RPIA: variants seen among roughly 807,000 people sequenced by gnomAD.
The protein encoded by RPIA is ribose-5-phosphate isomerase.
In RPIA, 29 loss-of-function variants were observed where a neutral mutation model predicts 37.8. That is an observed-to-expected ratio of 0.77 (90% CI 0.57 to 1.05). RPIA has a LOEUF of 1.05. Among genes scored for constraint, RPIA ranks in the 50% least tolerant of loss-of-function variants. RPIA has a pLI of 0.00. For synonymous variants in RPIA, 167 were observed against 157.0 expected (o/e 1.06, Z -0.48); for missense variants, 385 against 413.6 (o/e 0.93, Z 0.60).
chr2:88,691,877 C>T lies in RPIA; in HGVS notation c.179C>T (p.Thr60Ile). ...CGTGGCGGTGCTGGCAACACAAGCACCAGCTGCGGGGACTCCAACAGCATC... is the reference window on the plus strand; with the variant it reads ...CGTGGCGGTGCTGGCAACACAAGCATCAGCTGCGGGGACTCCAACAGCATC... ...GTRGGAGNTS[T>I]SCGDSNSICP... The change falls in exon 1 of 9, where the codon ACC becomes ATC. Residue 60 changes from threonine to isoleucine, a missense_variant. By Grantham distance (89) the Thr-to-Ile change is moderately conservative. This residue lies in a region of RPIA where 232 missense variants were observed against 203.0 expected (regional missense o/e 1.14). Coordinates refer to ENST00000283646, the MANE Select transcript of RPIA (RefSeq NM_144563.3). 7 of 1,595,930 alleles carry T rather than the reference C, an allele frequency of 4.4e-6. No individual in the cohort carries two copies. Among genetic ancestry groups the T allele is most frequent in the African/African-American group, 1.3e-5 (1 of 74,908 alleles).
In RPIA at chr2:88,711,648, G is replaced by A. The variant is rs137954190; in HGVS notation, c.402+11584G>A. The stretch of plus-strand genomic sequence containing the variant: ...TGGGTCAAGGAAAAGACCTGGAAAG[G>A]GAAGGGGATTCTTTACAGAATGTAG... On this transcript the variant is annotated intron_variant, in intron 3 of 8. Transcript: ENST00000283646. Among the ~76,000 whole-genome samples, 404 of 152,316 alleles carry A rather than the reference G, an allele frequency of 2.7e-3. 2 individuals are homozygous for A. Among genetic ancestry groups the A allele is most frequent in the African/African-American group, 9.2e-3 (381 of 41,562 alleles).
At chr2:88,723,097 A>T (rs1406027954) in intron 3 of RPIA, among the ~76,000 whole-genome samples, 1 of 152,176 alleles carries the variant, frequency 6.6e-6, no homozygotes, top group Non-Finnish European at 1.5e-5. Context: ...CTTGGATTTG[A>T]TCAAGTCAGG....
intron 7 of RPIA, 73 bp from the exon 8 acceptor site, chr2:88,737,904 C>G: frequency 9.1e-7 from 1 of 1,093,524 alleles, no homozygotes; most frequent in South Asian, 1.3e-5. Flanking sequence ...CTTTGGTTAT[C>G]CCCTCTACTT....
intron 3 of RPIA, 102 bp downstream of exon 3, chr2:88,700,166 T>C: frequency 9.1e-7 from 1 of 1,097,084 alleles, no homozygotes; most frequent in Non-Finnish European, 1.4e-6. Flanking sequence ...AAGGTTGTTC[T>C]AGGTCAGAGA....
At chr2:88,696,388 T>TA (rs1304980592) in intron 1 of RPIA, among the ~76,000 whole-genome samples, 5 of 151,770 alleles carry the variant, frequency 3.3e-5, no homozygotes, top group African/African-American at 1.2e-4. Flanking sequence ...TTAAAAGAAT[T>TA]AAAAAAATTA....
At chr2:88,741,169 C>T (rs1409768922) in intron 8 of RPIA, among the ~76,000 whole-genome samples, 8 of 152,164 alleles carry the variant, frequency 5.3e-5, no homozygotes, top group Non-Finnish European at 1.2e-4. Context: ...ACCCAAGCAG[C>T]GTACACTGTA....
intron 8 of RPIA, among the ~76,000 whole-genome samples, chr2:88,748,136 G>C (rs983197813): frequency 1.3e-5 from 2 of 152,194 alleles, no homozygotes; most frequent in African/African-American, 2.4e-5. Context: ...TACCAAAATT[G>C]TGTGGCCTTT....
chr2:88,740,054 G>C (rs982560839), intron 8 of RPIA, among the ~76,000 whole-genome samples: 3 of 152,208 alleles, frequency 2.0e-5, no homozygotes, highest in Admixed American at 1.3e-4. Context: ...CAAGAAGGTA[G>C]GAGGAAGAGA....
chr2:88,738,515 A>G (rs1222943729), intron 8 of RPIA, among the ~76,000 whole-genome samples: 1 of 152,208 alleles, frequency 6.6e-6, no homozygotes, highest in Non-Finnish European at 1.5e-5. Flanking sequence ...GCTGTGTGTT[A>G]CAGGGGATAC....
At chr2:88,723,352 C>T (rs1673157490) in intron 3 of RPIA, among the ~76,000 whole-genome samples, 1 of 152,160 alleles carries the variant, frequency 6.6e-6, no homozygotes, top group African/African-American at 2.4e-5. Flanking sequence ...CTCATATTCC[C>T]TGCTGGGAGT....
At chr2:88,721,571 ACCC>A (rs1156741297) in intron 3 of RPIA, among the ~76,000 whole-genome samples, 15 of 22,982 alleles carry the variant, frequency 6.5e-4, no homozygotes, top group East Asian at 2.2e-3. Flanking sequence ...ACACACACAC[ACCC>A]CCCCCCCCAC....
intron 4 of RPIA, among the ~76,000 whole-genome samples, chr2:88,729,728 G>GTTTTGTGGTAAAGACTAA (rs1282665432): frequency 1.4e-4 from 10 of 69,816 alleles, no homozygotes; most frequent in African/African-American, 3.3e-4. Flanking sequence ...TTAAAACTAA[G>GTTTTGTGGTAAAGACTAA]CAGAACTGAA....
At chr2:88,720,313 A>G (rs953536332) in intron 3 of RPIA, among the ~76,000 whole-genome samples, 2 of 152,208 alleles carry the variant, frequency 1.3e-5, no homozygotes, top group African/African-American at 4.8e-5. Flanking sequence ...AAAACGTAAA[A>G]TCTGTTAGGC....
At chr2:88,694,545 A>C (rs1676988593) in intron 1 of RPIA, among the ~76,000 whole-genome samples, 1 of 152,124 alleles carries the variant, frequency 6.6e-6, no homozygotes, top group Non-Finnish European at 1.5e-5. Flanking sequence ...CACACACACA[A>C]TGTTTTTATC....
At chr2:88,698,439 TA>T (rs781761520) in intron 1 of RPIA, 44 bp from the exon 2 acceptor site, 2 of 1,539,390 alleles carry the variant, frequency 1.3e-6, no homozygotes, top group Non-Finnish European at 1.8e-6. Flanking sequence ...AGGAGTAAAA[TA>T]TGATATTAAT....
At chr2:88,738,216 G>C in intron 8 of RPIA, 140 bp downstream of exon 8, 2 of 705,298 alleles carry the variant, frequency 2.8e-6, no homozygotes, top group Non-Finnish European at 5.1e-6. Flanking sequence ...TACCATGTTT[G>C]GGTTTTTAAC....
chr2:88,705,909 A>G (rs1342665293), intron 3 of RPIA, among the ~76,000 whole-genome samples: 1 of 152,254 alleles, frequency 6.6e-6, no homozygotes, highest in Non-Finnish European at 1.5e-5. Flanking sequence ...ACATGAACAG[A>G]CACTTCTCAA....
At chr2:88,707,984 C>T (rs991102027) in intron 3 of RPIA, among the ~76,000 whole-genome samples, 2 of 152,186 alleles carry the variant, frequency 1.3e-5, no homozygotes, top group Admixed American at 1.3e-4. Flanking sequence ...GTTCCAGTAT[C>T]TTCTTGATAT....
intron 7 of RPIA, 30 bp from the exon 8 acceptor site, chr2:88,737,947 C>T (rs1573477574): frequency 1.3e-6 from 2 of 1,544,010 alleles, no homozygotes; most frequent in African/African-American, 1.4e-5. Flanking sequence ...GTATCTGCAT[C>T]CTTGGTCACT....
Sources: allele counts gnomAD v4.1 joint callset (sites outside exome capture counted in the v4.1 genomes callset), GRCh38; gene constraint gnomAD v4.1.1; regional missense constraint gnomAD v4.1.1; transcripts MANE v1.5; gene names NCBI Gene and HGNC (gene_info 2026-07-23, HGNC 2026-07-21).